The following TLL1 variants were observed in gnomAD, a reference collection of about 807,000 sequenced individuals.
The protein encoded by TLL1 is tolloid-like protein 1.
TLL1 carries 49 observed loss-of-function variants against 128.2 expected under a neutral mutation model. That is an observed-to-expected ratio of 0.38 (90% CI 0.30 to 0.48). The LOEUF is 0.48. Ranked by LOEUF, TLL1 falls within the 20% of genes least tolerant of loss-of-function variation. The pLI is 0.96. For missense variants in TLL1, 1,123 were observed against 1,242.0 expected (o/e 0.90, Z 1.44); for synonymous variants, 454 against 418.8 (o/e 1.08, Z -1.03).
intron 17 of TLL1, among the ~76,000 whole-genome samples, chr4:166,077,209 A>G (rs985222467): frequency 3.5e-5 from 5 of 143,868 alleles, no homozygotes; most frequent in African/African-American, 1.3e-4. Flanking sequence ...ATCTTGTCTA[A>G]AATGAGGTTA....
chr4:165,993,000 T>C, intron 3 of TLL1, 116 bp downstream of exon 3: 1 of 897,000 alleles, frequency 1.1e-6, no homozygotes, highest in African/African-American at 1.7e-5. Flanking sequence ...ATGTAAATGA[T>C]ATATTCTAAA....
At position 165,888,628 on chromosome 4, in the gene TLL1, T is replaced by A. The variant is rs1349889072; in HGVS notation, c.169+14555T>A. Among the ~76,000 whole-genome samples, 3 of 152,146 alleles carry A rather than the reference T, an allele frequency of 2.0e-5. No individual in the cohort carries two copies. The East Asian group carries it at 5.8e-4, about 29-fold the overall frequency. On this transcript the variant is annotated intron_variant, in intron 1 of 20. Coordinates refer to ENST00000061240, the MANE Select transcript of TLL1 (RefSeq NM_012464.5). ...TCTCTGCTTGAGTGTATTAGGCTTC[T>A]GTCATAATGTCAATTCAGAATGCAG... is the stretch of plus-strand genomic sequence containing the variant.
intron 2 of TLL1, among the ~76,000 whole-genome samples, chr4:165,990,378 G>A (rs115977749): frequency 0.018 from 2,677 of 151,846 alleles, 40 homozygotes; most frequent in Non-Finnish European, 0.03. Context: ...ACAATATGTG[G>A]TCCTTTCTGA....
At chr4:165,940,496 A>AAC (rs1328700997) in intron 1 of TLL1, among the ~76,000 whole-genome samples, 6 of 151,920 alleles carry the variant, frequency 3.9e-5, no homozygotes, top group Admixed American at 1.3e-4. Context: ...TATTAAATTC[A>AAC]ACACACACAC....
chr4:165,925,327 T>A (rs1733221644), intron 1 of TLL1, among the ~76,000 whole-genome samples: 2 of 152,200 alleles, frequency 1.3e-5, no homozygotes, highest in Admixed American at 1.3e-4. Context: ...GATCAAAATA[T>A]CAACATTAAC....
chr4:165,986,504 A>G (rs552555814), intron 1 of TLL1, among the ~76,000 whole-genome samples: 1 of 152,190 alleles, frequency 6.6e-6, no homozygotes, highest in East Asian at 1.9e-4. Context: ...CCGTAAATGA[A>G]TTGGCTTAGT....
intron 15 of TLL1, among the ~76,000 whole-genome samples, chr4:166,063,440 T>A (rs1740429521): frequency 6.6e-6 from 1 of 152,176 alleles, no homozygotes; most frequent in Admixed American, 6.6e-5. Flanking sequence ...TGACGATTCC[T>A]CAAGGATCTA....
intron 9 of TLL1, among the ~76,000 whole-genome samples, chr4:166,030,060 C>T (rs995817311): frequency 2.0e-5 from 3 of 151,936 alleles, no homozygotes; most frequent in Non-Finnish European, 2.9e-5. Flanking sequence ...TTTAAATAAC[C>T]TTTATACTGT....
intron 1 of TLL1, among the ~76,000 whole-genome samples, chr4:165,980,984 GC>G (rs1201547216): frequency 4.6e-5 from 7 of 152,104 alleles, no homozygotes; most frequent in African/African-American, 1.7e-4. Context: ...AGCCTCCATG[GC>G]TTCATTAAAG....
At chr4:165,998,747 A>C (rs938466149) in intron 5 of TLL1, among the ~76,000 whole-genome samples, 1 of 151,710 alleles carries the variant, frequency 6.6e-6, no homozygotes, top group African/African-American at 2.4e-5. Flanking sequence ...CAGTGAGCCG[A>C]GATTGCACCA....
intron 1 of TLL1, among the ~76,000 whole-genome samples, chr4:165,902,759 T>C (rs1561017388): frequency 6.6e-6 from 1 of 152,138 alleles, no homozygotes; most frequent in Admixed American, 6.5e-5. Context: ...TTTCAACAAA[T>C]GAGGCTGGAA....
rs1284171800 is a variant in TLL1, at chr4:165,873,326, T to A, written c.-579T>A. The stretch of plus-strand genomic sequence containing the variant: ...TGCAGGCTTTTAAGGTCTCGCGGCG[T>A]AGAAATGCCTGGCCCCCACCCCCTT... On this transcript the variant is annotated 5_prime_UTR_variant, in exon 1 of 21. Transcript: ENST00000061240. 1 of 153,456 alleles carries A rather than the reference T, an allele frequency of 6.5e-6. No homozygotes were observed. Among genetic ancestry groups the A allele is most frequent in the Non-Finnish European group, 1.4e-5 (1 of 69,206 alleles). 9.5% of individuals were successfully genotyped at this position (153,456 alleles called of 1,614,324 possible). A position where few individuals can be genotyped will look rare whatever the true frequency, so the allele number is the denominator to read the frequency against.
chr4:165,903,697 C>T (rs967888513), intron 1 of TLL1, among the ~76,000 whole-genome samples: 3 of 151,260 alleles, frequency 2.0e-5, no homozygotes, highest in African/African-American at 4.9e-5. Context: ...CGTCGTAAGC[C>T]ACTGCGCCCA....
At chr4:166,045,882 C>A (rs1739443636) in intron 12 of TLL1, among the ~76,000 whole-genome samples, 1 of 152,158 alleles carries the variant, frequency 6.6e-6, no homozygotes, top group Non-Finnish European at 1.5e-5. Context: ...TTAAAAAGTT[C>A]TTGGCTGATA....
chr4:165,991,602 T>C (rs1736638941), intron 2 of TLL1, among the ~76,000 whole-genome samples: 1 of 152,006 alleles, frequency 6.6e-6, no homozygotes, highest in African/African-American at 2.4e-5. Context: ...CTCTAACTTA[T>C]TTGCCTTATA....
At chr4:165,963,726 C>T (rs1250143150) in intron 1 of TLL1, among the ~76,000 whole-genome samples, 2 of 152,128 alleles carry the variant, frequency 1.3e-5, no homozygotes, top group African/African-American at 4.8e-5. Flanking sequence ...ACAGATAACA[C>T]ACTCTGTCTT....
At chr4:166,065,633 A>T in intron 15 of TLL1, 50 bp from the exon 16 acceptor site, 1 of 1,563,484 alleles carries the variant, frequency 6.4e-7, no homozygotes, top group Middle Eastern at 1.7e-4. Context: ...ATAAATGTCA[A>T]TCATCTTGTA....
chr4:166,041,972 C>T (rs1160377807), intron 10 of TLL1, 55 bp from the exon 11 acceptor site: 11 of 1,223,812 alleles, frequency 9.0e-6, no homozygotes, highest in African/African-American at 1.5e-5. Flanking sequence ...ACAAAAAGAA[C>T]GTAGAATATA....
intron 19 of TLL1, 45 bp downstream of exon 19, chr4:166,091,386 G>T: frequency 6.4e-7 from 1 of 1,564,746 alleles, no homozygotes; most frequent in Non-Finnish European, 8.8e-7. Context: ...CTGAGATCCA[G>T]GTTTTTCTTC....
Sources: allele counts gnomAD v4.1 joint callset (sites outside exome capture counted in the v4.1 genomes callset), GRCh38; gene constraint gnomAD v4.1.1; transcripts MANE v1.5; gene names NCBI Gene and HGNC (gene_info 2026-07-23, HGNC 2026-07-21).